RBFOX1: variants seen among roughly 807,000 people sequenced by gnomAD.
RBFOX1 encodes the protein RNA binding fox-1 homolog 1.
In RBFOX1, 8 loss-of-function variants were observed where a neutral mutation model predicts 57.7. That is an observed-to-expected ratio of 0.14 (90% confidence interval 0.08 to 0.25). The LOEUF (loss-of-function observed/expected upper bound fraction) is 0.25, where lower values mean the gene tolerates loss of function less well. RBFOX1 is among the 10% of genes least tolerant of loss of function. The pLI is 1.00. For synonymous variants in RBFOX1, 326 were observed against 222.4 expected, an observed-to-expected ratio of 1.47 and a Z score of -4.15; for missense variants, 611 against 548.5, an observed-to-expected ratio of 1.11 and a Z score of -1.14.
rs12919735 is a variant in RBFOX1 at position 5,653,399 on chromosome 16, T to G, written c.318+54438T>G. Among the ~76,000 whole-genome samples, 875 of 132,806 alleles carry G rather than the reference T, an allele frequency of 6.6e-3. 88 individuals are homozygous for G. The highest frequency in any genetic ancestry group is 0.028 in the African/African-American group (830 of 29,912). 87.1% of individuals were successfully genotyped at this position (132,806 alleles called of 152,430 possible). ...GGCCTATATGCGGAAGGTGGGGTGC[T>G]GAGCCGTGTGCTGGGTTTCTTTGAG... is the stretch of plus-strand genomic sequence containing the variant. On this transcript the variant is annotated intron_variant, in intron 3 of 19. Transcript: ENST00000641259.
chr16:7,282,109 C>G (rs555309428), intron 4 of RBFOX1, among the ~76,000 whole-genome samples: 1 of 152,200 alleles, frequency 6.6e-6, no homozygotes, highest in African/African-American at 2.4e-5. Context: ...GTGATCCACC[C>G]ACTTCAGCCT....
At chr16:5,846,529 A>G (rs1384502307) in intron 3 of RBFOX1, among the ~76,000 whole-genome samples, 1 of 152,178 alleles carries the variant, frequency 6.6e-6, no homozygotes, top group Non-Finnish European at 1.5e-5. Context: ...CCAACTGGGT[A>G]GATGGAGGAA....
intron 2 of RBFOX1, among the ~76,000 whole-genome samples, chr16:6,627,032 C>A (rs1042137758): frequency 4.6e-5 from 7 of 152,146 alleles, no homozygotes; most frequent in African/African-American, 1.4e-4. Flanking sequence ...CGAAGGCTAC[C>A]CATCTGCCTT....
At chr16:7,612,942 A>G (rs185089545) in intron 10 of RBFOX1, among the ~76,000 whole-genome samples, 31 of 152,344 alleles carry the variant, frequency 2.0e-4, no homozygotes, top group African/African-American at 7.2e-4. Flanking sequence ...TTGAACACAC[A>G]TAACTCACTT....
chr16:7,542,437 A>C (rs2083200387), intron 5 of RBFOX1, among the ~76,000 whole-genome samples: 1 of 152,138 alleles, frequency 6.6e-6, no homozygotes, highest in South Asian at 2.1e-4. Context: ...AAACGGGTGC[A>C]AGTGCAGAGG....
intron 4 of RBFOX1, among the ~76,000 whole-genome samples, chr16:5,940,771 A>G (rs1299475516): frequency 3.3e-5 from 5 of 152,186 alleles, no homozygotes; most frequent in Non-Finnish European, 7.3e-5. Context: ...TGCTGAGGCC[A>G]CAGCCGGCTA....
chr16:6,155,224 C>T (rs565298534), intron 1 of RBFOX1, among the ~76,000 whole-genome samples: 3 of 152,310 alleles, frequency 2.0e-5, no homozygotes, highest in East Asian at 3.9e-4. Flanking sequence ...GCCATCTCTT[C>T]CTCTGGGGCA....
intron 4 of RBFOX1, among the ~76,000 whole-genome samples, chr16:7,504,730 TATATATATATATATATATATATA>T (rs1567553438): frequency 0.21 from 2,687 of 12,542 alleles, 337 homozygotes; most frequent in Middle Eastern, 0.5. Context: ...TATATATATA[TATATATATATATATATATATATA>T]TTTATATATA....
At position 7,052,193 on chromosome 16, in the gene RBFOX1, A is replaced by T. The variant is rs1185471354; in HGVS notation, c.27+95A>T. Reference sequence around the variant, plus strand: ...TCTCCCAAGACACGGGTTCTAAATAACAGGCTTCATCTTAAGACTGGTAGA... The same window carrying T: ...TCTCCCAAGACACGGGTTCTAAATATCAGGCTTCATCTTAAGACTGGTAGA... On this transcript the variant is annotated intron_variant, in intron 4 of 15. Coordinates refer to ENST00000550418, the MANE Select transcript of RBFOX1 (RefSeq NM_018723.4). 6.7e-6 allele frequency: 10 copies of T among 1,503,370 alleles called. No homozygotes were observed. The South Asian group carries it at 1.4e-4, about 20-fold the overall frequency. The allele number at this position is 1,503,370 out of a possible 1,614,324, so 93.1% of individuals were successfully genotyped here. A position where few individuals can be genotyped will look rare whatever the true frequency, so the allele number is the denominator to read the frequency against.
chr16:5,877,839 G>GT (rs2057653791), intron 4 of RBFOX1, among the ~76,000 whole-genome samples: 1 of 152,238 alleles, frequency 6.6e-6, no homozygotes, highest in African/African-American at 2.4e-5. Context: ...GGCAAGGGCA[G>GT]TAAGTCCTGG....
At chr16:7,074,649 A>G (rs1372327348) in intron 4 of RBFOX1, among the ~76,000 whole-genome samples, 1 of 152,212 alleles carries the variant, frequency 6.6e-6, no homozygotes, top group South Asian at 2.1e-4. Context: ...CAATGGGACA[A>G]AAAACCATTT....
intron 4 of RBFOX1, among the ~76,000 whole-genome samples, chr16:7,422,105 G>T (rs948244451): frequency 2.0e-5 from 3 of 152,118 alleles, no homozygotes; most frequent in African/African-American, 7.2e-5. Flanking sequence ...GTTGGCTTTG[G>T]TCGAGCCTGT....
At chr16:7,532,638 A>G (rs925208527) in intron 5 of RBFOX1, among the ~76,000 whole-genome samples, 2 of 152,208 alleles carry the variant, frequency 1.3e-5, no homozygotes, top group African/African-American at 4.8e-5. Context: ...CAGGCTTTTA[A>G]CATCAGCAGA....
intron 4 of RBFOX1, among the ~76,000 whole-genome samples, chr16:7,101,260 G>C (rs2062642703): frequency 6.6e-6 from 1 of 152,178 alleles, no homozygotes; most frequent in Non-Finnish European, 1.5e-5. Context: ...GAAACCGAGT[G>C]AGTGCAGTGC....
At chr16:5,448,837 G>T (rs377120688) in intron 1 of RBFOX1, among the ~76,000 whole-genome samples, 2 of 152,194 alleles carry the variant, frequency 1.3e-5, no homozygotes, top group East Asian at 1.9e-4. Flanking sequence ...GAGGAAAGCA[G>T]ATAAAGATCT....
intron 10 of RBFOX1, among the ~76,000 whole-genome samples, chr16:7,615,656 C>T (rs984192662): frequency 2.6e-5 from 4 of 152,150 alleles, no homozygotes; most frequent in South Asian, 4.2e-4. Context: ...TATGGAGTGA[C>T]CTTTCTCTTA....
At chr16:7,281,296 C>G (rs939346730) in intron 4 of RBFOX1, among the ~76,000 whole-genome samples, 1 of 151,722 alleles carries the variant, frequency 6.6e-6, no homozygotes, top group East Asian at 2.0e-4. Flanking sequence ...AGCCACCGTG[C>G]CCAGTGCAAT....
intron 4 of RBFOX1, among the ~76,000 whole-genome samples, chr16:7,455,884 G>A (rs968981498): frequency 6.6e-6 from 1 of 151,594 alleles, no homozygotes; most frequent in South Asian, 2.1e-4. Context: ...CCACTGTGAT[G>A]TCTAAGATTC....
intron 2 of RBFOX1, among the ~76,000 whole-genome samples, chr16:5,585,975 T>G (rs2046816214): frequency 6.6e-6 from 1 of 152,166 alleles, no homozygotes; most frequent in Admixed American, 6.5e-5. Flanking sequence ...ATGGAATAAA[T>G]TCAGGGATGT....
Sources: allele counts gnomAD v4.1 joint callset (sites outside exome capture counted in the v4.1 genomes callset), GRCh38; gene constraint gnomAD v4.1.1; transcripts MANE v1.5; gene names NCBI Gene and HGNC (gene_info 2026-07-23, HGNC 2026-07-21).